Variants in NFE2L3 observed in about 807,000 individuals in gnomAD.
NFE2L3 encodes the protein nuclear factor erythroid 2-related factor 3.
A neutral mutation model predicts 23.5 loss-of-function variants in NFE2L3; 18 were observed. The observed-to-expected ratio is 0.77, with a 90% CI of 0.53 to 1.13. The LOEUF (loss-of-function observed/expected upper bound fraction) is 1.13, where lower values mean the gene tolerates loss of function less well. Among genes scored for constraint, NFE2L3 ranks in the 50% most tolerant of loss-of-function variants. NFE2L3 has a pLI of 0.00. For missense variants in NFE2L3, 1,152 were observed against 877.2 expected, an observed-to-expected ratio of 1.31 and a Z score of -3.96; for synonymous variants, 424 against 354.5, an observed-to-expected ratio of 1.20 and a Z score of -2.20.
At chr7:26,168,225 C>G (rs1784279732) in intron 1 of NFE2L3, among the ~76,000 whole-genome samples, 1 of 149,734 alleles carries the variant, frequency 6.7e-6, no homozygotes. Context: ...CAACCTCCAC[C>G]TCCTGGGTTC....
At chr7:26,178,497 G>A (rs144108660) in intron 2 of NFE2L3, among the ~76,000 whole-genome samples, 56 of 152,238 alleles carry the variant, frequency 3.7e-4, no homozygotes, top group Non-Finnish European at 5.9e-4. Context: ...AGAGCAAGCC[G>A]AGGACCAACC....
rs139251980 is a variant in NFE2L3 at position 26,154,017 on chromosome 7, T to C, written c.570+949T>C. On this transcript the variant is annotated intron_variant, in intron 1 of 3. Coordinates refer to ENST00000056233, the MANE Select transcript of NFE2L3 (RefSeq NM_004289.7). ...GTTGTTTTTGTGGGGCGCATTCTTA[T>C]GCAAAATGGGAATTGGGGCTAAACT... 4.3e-3 allele frequency among the ~76,000 whole-genome samples: 649 copies of C among 152,338 alleles called. 5 individuals are homozygous for C. Among genetic ancestry groups the C allele is most frequent in the African/African-American group, 0.015 (623 of 41,574 alleles).
At chr7:26,165,630 ACCC>A (rs1784237247) in intron 1 of NFE2L3, among the ~76,000 whole-genome samples, 1 of 152,076 alleles carries the variant, frequency 6.6e-6, no homozygotes. Flanking sequence ...CTAATTGAAT[ACCC>A]TTTATTTCCT....
At chr7:26,173,831 C>T (rs542859008) in intron 1 of NFE2L3, 1 of 152,270 alleles carries the variant, frequency 6.6e-6, no homozygotes, top group East Asian at 1.9e-4. Context: ...AGACAGAGCC[C>T]TTGCCTTCAA....
chr7:26,169,040 T>C (rs1255232529), intron 1 of NFE2L3, among the ~76,000 whole-genome samples: 1 of 152,228 alleles, frequency 6.6e-6, no homozygotes, highest in Non-Finnish European at 1.5e-5. Flanking sequence ...TTTTGGGCTT[T>C]GCAGACTGCA....
At chr7:26,177,462 C>T (rs552344723) in intron 1 of NFE2L3, among the ~76,000 whole-genome samples, 20 of 152,178 alleles carry the variant, frequency 1.3e-4, no homozygotes, top group South Asian at 4.1e-4. Context: ...TCAGGCATGG[C>T]GGCGCGTCCC....
At chr7:26,181,467 C>G (rs777792016) in intron 2 of NFE2L3, among the ~76,000 whole-genome samples, 4 of 152,052 alleles carry the variant, frequency 2.6e-5, no homozygotes, top group Non-Finnish European at 4.4e-5. Flanking sequence ...TTCTAGCTAC[C>G]CTTTAGAAAT....
chr7:26,167,025 G>T (rs1264311841), intron 1 of NFE2L3, among the ~76,000 whole-genome samples: 1 of 152,222 alleles, frequency 6.6e-6, no homozygotes, highest in African/African-American at 2.4e-5. Flanking sequence ...TCCCAGTACA[G>T]CATAAGCGGC....
intron 1 of NFE2L3, among the ~76,000 whole-genome samples, chr7:26,171,874 A>G (rs1374708247): frequency 6.6e-6 from 1 of 152,224 alleles, no homozygotes; most frequent in Non-Finnish European, 1.5e-5. Flanking sequence ...AATAGAATGT[A>G]AGATGTGAAG....
chr7:26,179,236 C>G (rs1314845510), intron 2 of NFE2L3, among the ~76,000 whole-genome samples: 1 of 152,060 alleles, frequency 6.6e-6, no homozygotes, highest in African/African-American at 2.4e-5. Context: ...TACAGTTGCT[C>G]ACACCTATAA....
At chr7:26,182,623 C>G (rs1303248567) in intron 2 of NFE2L3, among the ~76,000 whole-genome samples, 2 of 152,220 alleles carry the variant, frequency 1.3e-5, no homozygotes, top group South Asian at 2.1e-4. Context: ...ACAAGACTGT[C>G]TCAAAATAAT....
intron 1 of NFE2L3, among the ~76,000 whole-genome samples, chr7:26,177,592 C>T (rs1247730600): frequency 3.3e-5 from 5 of 151,956 alleles, no homozygotes; most frequent in African/African-American, 9.7e-5. Flanking sequence ...GGGAGACCGT[C>T]GAAAGGAGGG....
At chr7:26,160,132 T>A (rs940540836) in intron 1 of NFE2L3, among the ~76,000 whole-genome samples, 1 of 152,028 alleles carries the variant, frequency 6.6e-6, no homozygotes. Flanking sequence ...TTTTTAAAAA[T>A]TTGTTTGCAG....
At position 26,186,769 on chromosome 7, in the gene NFE2L3, C is replaced by T. The variant is rs565333772; in HGVS notation, c.*986C>T. 1.3e-5 allele frequency: 2 copies of T among 151,364 alleles called. No homozygotes were observed. Among genetic ancestry groups the T allele is most frequent in the African/African-American group, 2.4e-5 (1 of 41,188 alleles). The allele number at this position is 151,364 out of a possible 1,614,324, so 9.4% of individuals were successfully genotyped here. A position where few individuals can be genotyped will look rare whatever the true frequency, so the allele number is the denominator to read the frequency against. ...ACCATCTGTTTAAAATGGGCAAAAG[C>T]GATTAAGGGAAAAAAAACAGGTGAA... On this transcript the variant is annotated 3_prime_UTR_variant, in exon 4 of 4. Coordinates refer to ENST00000056233, the MANE Select transcript of NFE2L3 (RefSeq NM_004289.7).
At chr7:26,183,098 A>G (rs1161062017) in intron 2 of NFE2L3, among the ~76,000 whole-genome samples, 1 of 152,020 alleles carries the variant, frequency 6.6e-6, no homozygotes, top group Non-Finnish European at 1.5e-5. Context: ...AAATTATATA[A>G]TTGTGTAACC....
At chr7:26,182,945 C>G (rs1019971766) in intron 2 of NFE2L3, among the ~76,000 whole-genome samples, 1 of 152,136 alleles carries the variant, frequency 6.6e-6, no homozygotes, top group Admixed American at 6.5e-5. Flanking sequence ...CAGGTGCACA[C>G]CACCACACCC....
intron 2 of NFE2L3, among the ~76,000 whole-genome samples, chr7:26,179,620 C>T (rs531398790): frequency 6.6e-6 from 1 of 152,122 alleles, no homozygotes; most frequent in South Asian, 2.1e-4. Context: ...GTGGGAGGAT[C>T]ACTTGAGCCT....
chr7:26,185,727 A>C lies in NFE2L3; in HGVS notation c.2029A>C (p.Lys677Gln). The change falls in exon 4 of 4, where the codon AAA becomes CAA. Residue 677 changes from lysine (K) to glutamine (Q), a missense_variant. Lys to Gln is a moderately conservative substitution (Grantham distance 53). Transcript: ENST00000056233. ...TGATGGAAGTATCTTGATAGTACCC[A>C]AAGAACTGGTGGCCTCAGGCCACAA... ...THDGSILIVP[K>Q]ELVASGHKKE... 1.2e-6 allele frequency: 2 copies of C among 1,608,502 alleles called. No individual in the cohort carries two copies. Among genetic ancestry groups the C allele is most frequent in the Non-Finnish European group, 1.7e-6 (2 of 1,178,516 alleles).
chr7:26,167,740 GATA>G (rs1784271944), intron 1 of NFE2L3, among the ~76,000 whole-genome samples: 2 of 152,262 alleles, frequency 1.3e-5, no homozygotes, highest in Non-Finnish European at 2.9e-5. Context: ...AGAAAGCAGA[GATA>G]ATAATTACTG....
Sources: gnomAD v4.1 joint callset for allele counts (sites outside exome capture counted in the v4.1 genomes callset) on GRCh38, gnomAD v4.1.1 for gene constraint, MANE v1.5 for transcripts, NCBI Gene and HGNC (gene_info 2026-07-23, HGNC 2026-07-21) for gene names.